Variants in SSUH2 observed in about 807,000 individuals in gnomAD.
SSUH2 encodes the protein ssu-2 homolog, also known as protein SSUH2 homolog.
SSUH2 carries 47 observed loss-of-function variants against 55.3 expected under a neutral mutation model. The observed-to-expected ratio is 0.85, with a 90% CI of 0.67 to 1.08. SSUH2 has a LOEUF of 1.08. Ranked by LOEUF, SSUH2 falls within the 50% of genes least tolerant of loss-of-function variation. SSUH2 has a pLI of 0.00. For synonymous variants in SSUH2, 212 were observed against 191.5 expected, an observed-to-expected ratio of 1.11 and a Z score of -0.89; for missense variants, 535 against 490.7, an observed-to-expected ratio of 1.09 and a Z score of -0.85.
upstream of SSUH2, among the ~76,000 whole-genome samples, chr3:8,647,091 G>A (rs747627627): frequency 6.6e-6 from 1 of 152,226 alleles, no homozygotes; most frequent in African/African-American, 2.4e-5. Flanking sequence ...CATGGCTGCA[G>A]CAAGAATTAG....
At chr3:8,666,922 A>T (rs1161267844) in intron 5 of SSUH2, among the ~76,000 whole-genome samples, 1 of 152,316 alleles carries the variant, frequency 6.6e-6, no homozygotes, top group East Asian at 1.9e-4. Flanking sequence ...ACCACAAAGG[A>T]CACTACAGAT....
In SSUH2 at chr3:8,619,811, G is replaced by A; in HGVS notation, c.*57C>T. 2 of 1,586,306 alleles carry A rather than the reference G, an allele frequency of 1.3e-6. No homozygotes were observed. The highest frequency in any genetic ancestry group is 1.7e-6 in the Non-Finnish European group (2 of 1,164,440). ...CCAACAGTGAACACACTCAGAGAGTGTCGGCCATCTTCCTTGGCAAACGTG... is the reference window on the plus strand; with the variant it reads ...CCAACAGTGAACACACTCAGAGAGTATCGGCCATCTTCCTTGGCAAACGTG... On this transcript the variant is annotated 3_prime_UTR_variant, in exon 12 of 12. Transcript: ENST00000544814.
chr3:8,634,622 TC>T (rs1699587646), intron 3 of SSUH2: 1 of 1,276,048 alleles, frequency 7.8e-7, no homozygotes, highest in African/African-American at 1.5e-5. Context: ...CAGAGATGAC[TC>T]CCCGGAGGAA....
chr3:8,621,221 G>C (rs1435720410), intron 11 of SSUH2, among the ~76,000 whole-genome samples: 1 of 152,168 alleles, frequency 6.6e-6, no homozygotes, highest in East Asian at 1.9e-4. Context: ...ACTCAGATGT[G>C]GGGACCCAAA....
chr3:8,681,283 C>T (rs1172569390), intron 1 of SSUH2, among the ~76,000 whole-genome samples: 1 of 149,270 alleles, frequency 6.7e-6, no homozygotes, highest in Non-Finnish European at 1.5e-5. Flanking sequence ...ACAGCCAGCC[C>T]CTCTTCCCTC....
At chr3:8,631,916 G>A (rs569883201) in intron 5 of SSUH2, 133 bp downstream of exon 5, 14 of 687,342 alleles carry the variant, frequency 2.0e-5, no homozygotes, top group South Asian at 1.6e-4. Flanking sequence ...ATTTTGCAGG[G>A]GGTAAGGAAG....
intron 1 of SSUH2, 92 bp from the exon 2 acceptor site, chr3:8,635,949 T>G (rs2125210987): frequency 8.9e-7 from 1 of 1,123,482 alleles, no homozygotes; most frequent in Admixed American, 2.3e-5. Context: ...GCGGGTGCAT[T>G]ATAAAAAGCC....
chr3:8,645,810 T>C (rs994278392), upstream of SSUH2, among the ~76,000 whole-genome samples: 2 of 152,220 alleles, frequency 1.3e-5, no homozygotes, highest in African/African-American at 4.8e-5. Context: ...GGCTCCCAGC[T>C]GCTCCATAAA....
At chr3:8,679,127 C>CA (rs1164429256) in intron 2 of SSUH2, among the ~76,000 whole-genome samples, 1 of 85,978 alleles carries the variant, frequency 1.2e-5, no homozygotes, top group East Asian at 3.0e-4. Flanking sequence ...ACCCAAATTG[C>CA]GGGGGGGAGG....
Position 8,619,997 on chromosome 3 carries a change from C to T in SSUH2, c.999G>A (p.Leu333=), listed in dbSNP as rs1193366471. 2.4e-5 allele frequency: 39 copies of T among 1,614,054 alleles called. No individual in the cohort carries two copies. Among genetic ancestry groups the T allele is most frequent in the Non-Finnish European group, 3.1e-5 (37 of 1,179,970 alleles). Residue 333 remains leucine, a synonymous_variant, in exon 12 of 12, where the codon CTG becomes CTA. Coordinates refer to ENST00000544814, the MANE Select transcript of SSUH2 (RefSeq NM_001256748.3). ...RVLQQRQTIE[L]IPLTEVHYWY... is the part of the protein sequence containing the mutation. ...AATAGTGAACTTCTGTGAGGGGGAT[C>T]AGCTCAATGGTCTGGCGCTGAGGAA...
chr3:8,655,916 CT>C (rs945913694), intron 7 of SSUH2, among the ~76,000 whole-genome samples: 1 of 151,728 alleles, frequency 6.6e-6, no homozygotes, highest in Non-Finnish European at 1.5e-5. Context: ...GATATCTCCA[CT>C]TTTTTTTTCT....
At chr3:8,620,821 G>C (rs1030467757) in intron 11 of SSUH2, among the ~76,000 whole-genome samples, 8 of 152,186 alleles carry the variant, frequency 5.3e-5, no homozygotes, top group African/African-American at 1.4e-4. Flanking sequence ...TCTAACATTT[G>C]AATCAAATTT....
At chr3:8,635,439 G>T in intron 2 of SSUH2, 58 bp from the exon 3 acceptor site, 1 of 1,255,850 alleles carries the variant, frequency 8.0e-7, no homozygotes, top group Non-Finnish European at 1.1e-6. Flanking sequence ...AAATATTTGT[G>T]TGGTGGAAGA....
chr3:8,671,003 T>A, exon 5 of SSUH2: 2 of 424,742 alleles, frequency 4.7e-6, no homozygotes, highest in Non-Finnish European at 9.7e-6. Context: ...TGTACCTGCA[T>A]TGGGACATCA....
At chr3:8,670,629 T>G (rs1386506074) in intron 5 of SSUH2, among the ~76,000 whole-genome samples, 4 of 151,982 alleles carry the variant, frequency 2.6e-5, no homozygotes, top group Non-Finnish European at 1.5e-5. Context: ...CGTGTGACAT[T>G]AGGAGTAACA....
chr3:8,631,109 G>C (rs1273270124), intron 5 of SSUH2, among the ~76,000 whole-genome samples, 180 bp from the exon 6 acceptor site: 5 of 152,204 alleles, frequency 3.3e-5, no homozygotes. Flanking sequence ...AAGATTTAGA[G>C]AGAGACAGAT....
intron 7 of SSUH2, among the ~76,000 whole-genome samples, chr3:8,628,816 C>T (rs75962676): frequency 0.012 from 1,891 of 152,222 alleles, 47 homozygotes; most frequent in African/African-American, 0.044. Flanking sequence ...TTCTGGCCTC[C>T]GGAACCGTGA....
At position 8,627,254 on chromosome 3, in the gene SSUH2, T is replaced by C. The variant is rs189702026; in HGVS notation, c.674+444A>G. The C allele has an allele frequency of 3.0e-4, 47 of 158,686 alleles. No homozygotes were observed. In the East Asian group the frequency reaches 8.2e-3, roughly 28 times the overall value. The allele number at this position is 158,686 out of a possible 1,614,324, so 9.8% of individuals were successfully genotyped here. ...AGCAGTGATGAAATTTTGTTTATTG[T>C]TTAGTCAATCAACCAACTTTCCTTG... On this transcript the variant is annotated intron_variant, in intron 8 of 11. Transcript: ENST00000544814.
intron 7 of SSUH2, among the ~76,000 whole-genome samples, chr3:8,656,477 T>C (rs1702941815): frequency 2.0e-5 from 3 of 152,196 alleles, no homozygotes; most frequent in African/African-American, 2.4e-5. Context: ...CAGCCCCTCT[T>C]GACAGCACCA....
Sources: gnomAD v4.1 joint callset for allele counts (sites outside exome capture counted in the v4.1 genomes callset) on GRCh38, gnomAD v4.1.1 for gene constraint, MANE v1.5 for transcripts, NCBI Gene and HGNC (gene_info 2026-07-23, HGNC 2026-07-21) for gene names.